HIP1R: variants seen among roughly 807,000 people sequenced by gnomAD.
HIP1R encodes the protein huntingtin interacting protein 1 related, also known as huntingtin-interacting protein 1-related protein.
In HIP1R, 135 loss-of-function variants were observed where a neutral mutation model predicts 144.2. The observed-to-expected ratio is 0.94, with a 90% CI of 0.81 to 1.08. The LOEUF is 1.08. HIP1R is among the 50% of genes least tolerant of loss of function. The pLI is 0.00. For synonymous variants in HIP1R, 698 were observed against 612.8 expected (o/e 1.14, Z -2.05); for missense variants, 1,462 against 1,432.8 (o/e 1.02, Z -0.33).
intron 1 of HIP1R, among the ~76,000 whole-genome samples, chr12:122,847,804 C>A (rs907741781): frequency 2.0e-5 from 3 of 152,170 alleles, no homozygotes; most frequent in Non-Finnish European, 4.4e-5. Flanking sequence ...TGGTCCTTGT[C>A]CCCTGACTCC....
chr12:122,860,945 G>A lies in HIP1R; in HGVS notation c.2796G>A (p.Leu932=). ...AGGCCAACAAGCACAGCCCCCACCT[G>A]AGCCGCCTGCAGGAATGTTCTCGCA... ...KVKANKHSPH[L]SRLQECSRTV... is the part of the protein sequence containing the mutation. Residue 932 remains leucine, a synonymous_variant, in exon 29 of 32, where the codon CTG becomes CTA. Transcript: ENST00000253083. The A allele has an allele frequency of 6.2e-7, 1 of 1,613,138 alleles. No homozygotes were observed. The highest frequency in any genetic ancestry group is 8.5e-7 in the Non-Finnish European group (1 of 1,179,846).
At chr12:122,844,181 C>G (rs1164356127) in intron 1 of HIP1R, among the ~76,000 whole-genome samples, 1 of 152,128 alleles carries the variant, frequency 6.6e-6, no homozygotes, top group Non-Finnish European at 1.5e-5. Flanking sequence ...CTCTGTTACC[C>G]AGGCTGCAGT....
chr12:122,860,499 T>TG lies in HIP1R; in HGVS notation c.2639dup (p.Trp881LeufsTer11). The TG allele has an allele frequency of 6.2e-7, 1 of 1,603,292 alleles. No homozygotes were observed. The highest frequency in any genetic ancestry group is 8.5e-7 in the Non-Finnish European group (1 of 1,174,436). On this transcript the variant is annotated frameshift_variant, in exon 27 of 32. Coordinates refer to ENST00000253083, the MANE Select transcript of HIP1R (RefSeq NM_003959.3). LOFTEE classifies it high-confidence loss of function. ...GGCCTCATCTCGGCCTCCAAGGCTGTGGGCTGGGGAGCCACACAGCTGGTG... is the reference window on the plus strand; with the variant it reads ...GGCCTCATCTCGGCCTCCAAGGCTGTGGGGCTGGGGAGCCACACAGCTGGTG...
chr12:122,848,494 G>A lies in HIP1R; in HGVS notation c.186G>A (p.Lys62=). Residue 62 remains lysine (K), a synonymous_variant, in exon 3 of 32, where the codon AAG becomes AAA. Transcript: ENST00000253083. ...RRIILGTHHE[K]GAFTFWSYAI... ...TCATTCTGGGCACACACCACGAGAAGGGGGCTTTCACCTTCTGGTCCTACG... is the reference window on the plus strand; with the variant it reads ...TCATTCTGGGCACACACCACGAGAAAGGGGCTTTCACCTTCTGGTCCTACG... 1 of 1,613,186 alleles carries A rather than the reference G, an allele frequency of 6.2e-7. No homozygotes were observed. The highest frequency in any genetic ancestry group is 1.3e-5 in the African/African-American group (1 of 75,082).
At chr12:122,846,609 C>T (rs1371451617) in intron 1 of HIP1R, among the ~76,000 whole-genome samples, 2 of 152,204 alleles carry the variant, frequency 1.3e-5, no homozygotes, top group Non-Finnish European at 2.9e-5. Flanking sequence ...TGTGCATTTC[C>T]TCAGGTCGTG....
At position 122,849,811 on chromosome 12, in the gene HIP1R, G is replaced by A. The variant is rs1235278039; in HGVS notation, c.358-64G>A. On this transcript the variant is annotated intron_variant, in intron 4 of 31. Transcript: ENST00000253083. Reference sequence around the variant, plus strand: ...GGTGGTGGGTCACTCTCGTGCCCAGGTCCTTGAGGACTCTTGGACGTGTTC... The same window carrying A: ...GGTGGTGGGTCACTCTCGTGCCCAGATCCTTGAGGACTCTTGGACGTGTTC... 3.3e-6 allele frequency: 4 copies of A among 1,209,902 alleles called. No homozygotes were observed. The African/African-American group carries it at 6.0e-5, about 18-fold the overall frequency. 74.9% of individuals were successfully genotyped at this position (1,209,902 alleles called of 1,614,324 possible).
Position 122,854,109 on chromosome 12 carries a change from C to A in HIP1R, c.644C>A (p.Pro215His). ...QMSSGQCRLA[P>H]LIQVIQDCSH... ...TCCTCAGGCCAGTGCCGCCTGGCCC[C>A]CCTCATCCAGGTCATCCAGGACTGC... is the stretch of plus-strand genomic sequence containing the variant. Residue 215 changes from proline (P) to histidine (H), a missense_variant, in exon 8 of 32, where the codon CCC (proline) becomes CAC (histidine). Around this residue, in one of 2 missense-constraint regions of HIP1R, gnomAD observed 350 missense variants for 421.1 expected, o/e 0.83. Coordinates refer to ENST00000253083, the MANE Select transcript of HIP1R (RefSeq NM_003959.3). 6.2e-7 allele frequency: 1 copy of A among 1,613,914 alleles called. No individual in the cohort carries two copies. The highest frequency in any genetic ancestry group is 2.2e-5 in the East Asian group (1 of 44,878).
At position 122,861,704 on chromosome 12, in the gene HIP1R, A is replaced by AG; in HGVS notation, c.3160-1dup. On this transcript the variant is annotated splice_acceptor_variant, in intron 31 of 31. Coordinates refer to ENST00000253083, the MANE Select transcript of HIP1R (RefSeq NM_003959.3). LOFTEE classifies it high-confidence loss of function. ...CTGACCCCCCACCTTTAACCCCTGC[A>AG]GCTTGACAAAAAGGATGGCATCTAC... The AG allele has an allele frequency of 1.2e-6, 2 of 1,614,104 alleles. No individual in the cohort carries two copies. Among genetic ancestry groups the AG allele is most frequent in the Non-Finnish European group, 8.5e-7 (1 of 1,179,996 alleles).
chr12:122,848,411 T>C (rs1449228536), intron 2 of HIP1R, 55 bp from the exon 3 acceptor site: 1 of 1,560,930 alleles, frequency 6.4e-7, no homozygotes, highest in Non-Finnish European at 8.7e-7. Flanking sequence ...TCAGCCGGGT[T>C]TGCTGAGCCC....
At chr12:122,854,216 G>C (rs200369335) in intron 8 of HIP1R, 33 bp downstream of exon 8, 1 of 1,599,624 alleles carries the variant, frequency 6.3e-7, no homozygotes, top group East Asian at 2.3e-5. Context: ...TGGCCCGGAA[G>C]GCTGTGTTTA....
At position 122,855,612 on chromosome 12, in the gene HIP1R, G is replaced by A; in HGVS notation, c.1055G>A (p.Arg352Lys). Residue 352 changes from arginine (R) to lysine (K), a missense_variant and splice_region_variant, in exon 12 of 32, where the codon AGG becomes AAG. Coordinates refer to ENST00000253083, the MANE Select transcript of HIP1R (RefSeq NM_003959.3). ...GPPNGSVKDD[R>K]DLQIESLKRE... The stretch of plus-strand genomic sequence containing the variant: ...CCCAATGGGTCTGTGAAGGACGACA[G>A]GTGAGGGCTGGAGGAGCCGACTGGG... 2 of 1,549,726 alleles carry A rather than the reference G, an allele frequency of 1.3e-6. No individual in the cohort carries two copies. Among genetic ancestry groups the A allele is most frequent in the Non-Finnish European group, 1.7e-6 (2 of 1,146,706 alleles).
intron 11 of HIP1R, 29 bp downstream of exon 11, chr12:122,855,434 C>A: frequency 6.4e-7 from 1 of 1,551,064 alleles, no homozygotes; most frequent in Non-Finnish European, 8.7e-7. Context: ...CCGTGTCCCC[C>A]AGTCCTCCAG....
At chr12:122,854,358 A>C (rs867150239) in intron 8 of HIP1R, among the ~76,000 whole-genome samples, 175 bp downstream of exon 8, 57 of 120,794 alleles carry the variant, frequency 4.7e-4, no homozygotes, top group Middle Eastern at 9.6e-3. Context: ...AAAAAAAAAA[A>C]CCCACTACTT....
chr12:122,849,905 G>T lies in HIP1R; in HGVS notation c.388G>T (p.Val130Leu), dbSNP rs1555262332. The T allele has an allele frequency of 6.2e-7, 1 of 1,613,642 alleles. No individual in the cohort carries two copies. Among genetic ancestry groups the T allele is most frequent in the Non-Finnish European group, 8.5e-7 (1 of 1,179,952 alleles). The change falls in exon 5 of 32, where the codon GTG becomes TTG. Residue 130 changes from valine (V) to leucine (L), a missense_variant. Physicochemically the swap from Val to Leu is conservative, Grantham distance 32. This residue lies in a region of HIP1R where 350 missense variants were observed against 421.1 expected (regional missense o/e 0.83). Transcript: ENST00000253083. ...TTTGCATGACCGCTACGGACAGCTGGTGAATGTCTACACCAAGCTGCTGCT... is the reference window on the plus strand; with the variant it reads ...TTTGCATGACCGCTACGGACAGCTGTTGAATGTCTACACCAAGCTGCTGCT... ...GHLHDRYGQL[V>L]NVYTKLLLTK...
chr12:122,850,069 C>A, intron 5 of HIP1R, 114 bp downstream of exon 5: 5 of 756,592 alleles, frequency 6.6e-6, no homozygotes, highest in Non-Finnish European at 1.2e-5. Flanking sequence ...ATGAGTCTTT[C>A]CATTCACCTT....
rs2032897994 is a variant in HIP1R, at chr12:122,836,433, G to T, written c.93+790G>T. ...TGGGAAGGCGTTAGAAATGAAATAA[G>T]GGCGCGGGTGTGCGTTTTGTACTTG... On this transcript the variant is annotated intron_variant, in intron 1 of 31. Transcript: ENST00000253083. This position sits in a 1 kb window ranked among gnomAD's most constrained non-coding sequence, Gnocchi z 4.1. 6.6e-6 allele frequency among the ~76,000 whole-genome samples: 1 copy of T among 152,162 alleles called. No homozygotes were observed. The highest frequency in any genetic ancestry group is 1.5e-5 in the Non-Finnish European group (1 of 68,034).
chr12:122,858,732 CT>C, intron 20 of HIP1R, 105 bp from the exon 21 acceptor site: 1 of 850,882 alleles, frequency 1.2e-6, no homozygotes. Flanking sequence ...CCGAGCCCTC[CT>C]TTCCTCTTCC....
upstream of HIP1R, chr12:122,835,432 C>T: frequency 8.8e-7 from 1 of 1,137,796 alleles, no homozygotes; most frequent in Non-Finnish European, 1.1e-6. Context: ...CGGGCTCCTC[C>T]CCGGCGGGCG....
chr12:122,852,778 T>C (rs1163867618), intron 7 of HIP1R, among the ~76,000 whole-genome samples: 2 of 152,172 alleles, frequency 1.3e-5, no homozygotes, highest in African/African-American at 4.8e-5. Context: ...CGGGAAGATC[T>C]AGAAAACATT....
Sources: gnomAD v4.1 joint callset for allele counts (sites outside exome capture counted in the v4.1 genomes callset) on GRCh38, gnomAD v4.1.1 for gene constraint, gnomAD v4.1.1 regional missense constraint, Gnocchi (gnomAD v3.1) non-coding constraint, MANE v1.5 for transcripts, NCBI Gene and HGNC (gene_info 2026-07-23, HGNC 2026-07-21) for gene names.